ZZEF1: variants seen among roughly 807,000 people sequenced by gnomAD.
ZZEF1 encodes zinc finger ZZ-type and EF-hand domain containing 1.
ZZEF1 carries 157 observed loss-of-function variants against 342.8 expected under a neutral mutation model. The ratio of observed to expected loss-of-function variants is 0.46; its 90% CI spans 0.40 to 0.52. The LOEUF (loss-of-function observed/expected upper bound fraction) is 0.52, where lower values mean the gene tolerates loss of function less well. ZZEF1 is among the 20% of genes least tolerant of loss of function. ZZEF1 has a pLI of 0.00. For missense variants in ZZEF1, 3,480 were observed against 3,725.6 expected (o/e 0.93, Z 1.72); for synonymous variants, 1,505 against 1,429.1 (o/e 1.05, Z -1.20).
At chr17:4,108,968 TATC>T (rs2058253496) in intron 6 of ZZEF1, among the ~76,000 whole-genome samples, 1 of 152,228 alleles carries the variant, frequency 6.6e-6, no homozygotes, top group Admixed American at 6.5e-5. Flanking sequence ...AGGTACCTAT[TATC>T]AGTTACTGAA....
At chr17:4,132,341 A>C (rs1362757881) in intron 1 of ZZEF1, among the ~76,000 whole-genome samples, 1 of 152,030 alleles carries the variant, frequency 6.6e-6, no homozygotes, top group Non-Finnish European at 1.5e-5. Context: ...GCGCCACCAT[A>C]CGTGGCTAAT....
chr17:4,018,312 T>C (rs939861265), intron 46 of ZZEF1, among the ~76,000 whole-genome samples: 1 of 152,198 alleles, frequency 6.6e-6, no homozygotes, highest in Non-Finnish European at 1.5e-5. Flanking sequence ...GTTGGAGCTA[T>C]GTTGCCCGGG....
intron 39 of ZZEF1, among the ~76,000 whole-genome samples, chr17:4,042,007 T>C (rs1423845246): frequency 6.6e-6 from 1 of 152,130 alleles, no homozygotes; most frequent in Non-Finnish European, 1.5e-5. Flanking sequence ...TGTGGTTATA[T>C]AGGAGAATGT....
At chr17:4,059,395 G>A (rs2145205976) in intron 30 of ZZEF1, 105 bp from the exon 31 acceptor site, 1 of 1,415,664 alleles carries the variant, frequency 7.1e-7, no homozygotes, top group Non-Finnish European at 9.5e-7. Flanking sequence ...AGTCAGCTGA[G>A]CAAAGCGGCA....
intron 2 of ZZEF1, among the ~76,000 whole-genome samples, chr17:4,122,365 AC>A: frequency 6.6e-6 from 1 of 150,672 alleles, no homozygotes; most frequent in East Asian, 1.9e-4. Flanking sequence ...ATACAAAAAC[AC>A]AGGCCATGTC....
At chr17:4,027,594 C>CTTTTT (rs35210596) in intron 42 of ZZEF1, among the ~76,000 whole-genome samples, 2 of 119,710 alleles carry the variant, frequency 1.7e-5, no homozygotes, top group Non-Finnish European at 1.7e-5. Context: ...TGTGCCCTGC[C>CTTTTT]TTTTTTTTTT....
chr17:4,066,727 G>T (rs1183498652), intron 27 of ZZEF1, among the ~76,000 whole-genome samples, 187 bp from the exon 28 acceptor site: 10 of 152,074 alleles, frequency 6.6e-5, no homozygotes, highest in Non-Finnish European at 2.9e-5. Flanking sequence ...TGCTGCAGGG[G>T]GCTTTCTCTA....
intron 37 of ZZEF1, among the ~76,000 whole-genome samples, chr17:4,046,750 A>G (rs998264420): frequency 2.6e-4 from 39 of 152,218 alleles, no homozygotes; most frequent in African/African-American, 8.0e-4. Context: ...ATAATTCCCA[A>G]GTTATGGCAA....
At chr17:4,095,304 T>C (rs2058014668) in intron 11 of ZZEF1, among the ~76,000 whole-genome samples, 1 of 152,214 alleles carries the variant, frequency 6.6e-6, no homozygotes, top group South Asian at 2.1e-4. Flanking sequence ...CTGCCCTGTG[T>C]CCCCACAGCG....
rs1437914788 is a variant in ZZEF1 at position 4,073,468 on chromosome 17, G to A, written c.3685+682C>T. Among the ~76,000 whole-genome samples, 5 of 152,152 alleles carry A rather than the reference G, an allele frequency of 3.3e-5. No homozygotes were observed. In the South Asian group the frequency reaches 8.3e-4, roughly 25 times the overall value. On this transcript the variant is annotated intron_variant, in intron 24 of 54. Transcript: ENST00000381638. ...TTTTAAGAGACAAGAGTCTCTCTCT[G>A]TTACCCAGACTGGAGTGCAGCAGTA...
chr17:4,074,292 G>T lies in ZZEF1; in HGVS notation c.3543C>A (p.His1181Gln), dbSNP rs1321266767. Residue 1181 changes from histidine to glutamine, a missense_variant, in exon 24 of 55, where the codon CAC becomes CAA. Coordinates refer to ENST00000381638, the MANE Select transcript of ZZEF1 (RefSeq NM_015113.4). ...CAGTGAATTTGTAGCCCCATTCGTT[G>T]TGACTGCTGTCAGAGTGAAAGAGGA... ...LQFLFHSDSS[H>Q]NEWGYKFTVT... is the part of the protein sequence containing the mutation. 2 of 1,614,204 alleles carry T rather than the reference G, an allele frequency of 1.2e-6. No individual in the cohort carries two copies. Among genetic ancestry groups the T allele is most frequent in the Admixed American group, 3.3e-5 (2 of 60,028 alleles).
Position 4,006,220 on chromosome 17 carries a change from CT to C in ZZEF1, c.*669del, listed in dbSNP as rs2055797086. 6.5e-6 allele frequency: 1 copy of C among 154,524 alleles called. No individual in the cohort carries two copies. The highest frequency in any genetic ancestry group is 6.4e-5 in the Admixed American group (1 of 15,734). The allele number at this position is 154,524 out of a possible 1,614,324, so 9.6% of individuals were successfully genotyped here. ...AAACTGAAATATGTCAAAACAACAA[CT>C]GAGGAACTGCGGCTGTGCTGCCTGG... On this transcript the variant is annotated 3_prime_UTR_variant, in exon 55 of 55. Transcript: ENST00000381638.
At position 4,056,262 on chromosome 17, in the gene ZZEF1, G is replaced by A. The variant is rs770953864; in HGVS notation, c.5249C>T (p.Ala1750Val). Reference sequence around the variant, plus strand: ...TTCCTGGGCTATTTTTTCATACCAGGCCTCAAACATGCCATCCTGACACTC... The same window carrying A: ...TTCCTGGGCTATTTTTTCATACCAGACCTCAAACATGCCATCCTGACACTC... ...MDECQDGMFEAWYEKIAQEDP... is the reference protein window; with the variant it reads ...MDECQDGMFEVWYEKIAQEDP... The change falls in exon 33 of 55, where the codon GCC (alanine) becomes GTC (valine). Residue 1750 changes from alanine (A) to valine (V), a missense_variant. Coordinates refer to ENST00000381638, the MANE Select transcript of ZZEF1 (RefSeq NM_015113.4). 4.4e-6 allele frequency: 7 copies of A among 1,592,802 alleles called. No individual in the cohort carries two copies. The highest frequency in any genetic ancestry group is 1.8e-5 in the Admixed American group (1 of 57,132).
intron 30 of ZZEF1, among the ~76,000 whole-genome samples, chr17:4,060,109 GA>G: frequency 6.6e-6 from 1 of 152,260 alleles, no homozygotes; most frequent in South Asian, 2.1e-4. Flanking sequence ...ACTTGCCTGA[GA>G]AATCTTATAC....
chr17:4,092,976 C>T (rs1306685184), intron 11 of ZZEF1, among the ~76,000 whole-genome samples: 1 of 147,456 alleles, frequency 6.8e-6, no homozygotes, highest in Non-Finnish European at 1.5e-5. Context: ...AAAAAAAAGG[C>T]AAAAAGAAAA....
Position 4,014,138 on chromosome 17 carries a change from C to T in ZZEF1, c.8365G>A (p.Gly2789Ser). 1 of 1,614,104 alleles carries T rather than the reference C, an allele frequency of 6.2e-7. No homozygotes were observed. Among genetic ancestry groups the T allele is most frequent in the Non-Finnish European group, 8.5e-7 (1 of 1,180,022 alleles). ...CCGGCCGTCACGGTGAATCTGTAGC[C>T]CCACTCGGTGTTGCTCATGTCGGAG... ...FTSDMSNTEW[G>S]YRFTVTAGHL... The change falls in exon 51 of 55, where the codon GGC (glycine) becomes AGC (serine). Residue 2789 changes from glycine (G) to serine (S), a missense_variant. Physicochemically the swap from Gly to Ser is moderately conservative, Grantham distance 56. Around this residue, in one of 5 missense-constraint regions of ZZEF1, gnomAD observed 1,269 missense variants for 1,342.4 expected, o/e 0.95. Coordinates refer to ENST00000381638, the MANE Select transcript of ZZEF1 (RefSeq NM_015113.4). This position sits in a 1 kb window ranked among gnomAD's most constrained non-coding sequence, Gnocchi z 4.4.
chr17:4,032,771 G>A lies in ZZEF1; in HGVS notation c.6759+57C>T, dbSNP rs2056576724. ...ATCCGGAAGCCACAGAGGCTTTGGT[G>A]TGTATAGTGAAGACTGGAAGGGGTG... is the stretch of plus-strand genomic sequence containing the variant. On this transcript the variant is annotated intron_variant, in intron 41 of 54. Transcript: ENST00000381638. The A allele has an allele frequency of 1.9e-6, 3 of 1,572,046 alleles. No individual in the cohort carries two copies. The Admixed American group carries it at 5.1e-5, about 27-fold the overall frequency.
intron 3 of ZZEF1, among the ~76,000 whole-genome samples, chr17:4,114,919 C>A (rs2058370143): frequency 6.6e-6 from 1 of 152,170 alleles, no homozygotes; most frequent in Non-Finnish European, 1.5e-5. Context: ...CTTCCATGTT[C>A]TTCTGAGTTA....
At chr17:4,031,262 G>A (rs2056537336) in intron 42 of ZZEF1, among the ~76,000 whole-genome samples, 1 of 151,940 alleles carries the variant, frequency 6.6e-6, no homozygotes, top group African/African-American at 2.4e-5. Context: ...GTTGCAGTGA[G>A]CTGAGATCGT....
Sources: allele counts gnomAD v4.1 joint callset (sites outside exome capture counted in the v4.1 genomes callset), GRCh38; gene constraint gnomAD v4.1.1; regional missense constraint gnomAD v4.1.1; non-coding constraint Gnocchi (gnomAD v3.1); transcripts MANE v1.5; gene names NCBI Gene and HGNC (gene_info 2026-07-23, HGNC 2026-07-21).